IQSEC1: variants seen among roughly 807,000 people sequenced by gnomAD.
The protein encoded by IQSEC1 is IQ motif and SEC7 domain-containing protein 1.
A neutral mutation model predicts 91.0 loss-of-function variants in IQSEC1; 31 were observed. The ratio of observed to expected loss-of-function variants is 0.34; its 90% CI spans 0.26 to 0.46. The LOEUF is 0.46. IQSEC1 is among the 20% of genes least tolerant of loss of function. The pLI is 1.00. For synonymous variants in IQSEC1, 699 were observed against 662.6 expected, an observed-to-expected ratio of 1.05 and a Z score of -0.84; for missense variants, 1,388 against 1,575.6, an observed-to-expected ratio of 0.88 and a Z score of 2.02.
chr3:13,187,047 C>T (rs886929407), intron 1 of IQSEC1, among the ~76,000 whole-genome samples: 5 of 152,094 alleles, frequency 3.3e-5, no homozygotes, highest in Non-Finnish European at 7.4e-5. Context: ...TCCTCTCCTT[C>T]CTTCCTCCTT....
At position 13,263,453 on chromosome 3, in the gene IQSEC1, CT is replaced by C. The variant is rs1021846864; in HGVS notation, c.272+19257del. ...GGGGGGGGGGGGAAAGTACCTGACA[CT>C]TTTTTTTTTTGAGAGTCATGCTCTG... On this transcript the variant is annotated intron_variant, in intron 1 of 15. Coordinates refer to the IQSEC1 transcript ENST00000648114. Among the ~76,000 whole-genome samples, 164 of 135,360 alleles carry C rather than the reference CT, an allele frequency of 1.2e-3. 2 individuals carry two copies. The highest frequency in any genetic ancestry group is 3.4e-3 in the African/African-American group (126 of 36,806). 88.8% of individuals were successfully genotyped at this position (135,360 alleles called of 152,430 possible). A position where few individuals can be genotyped will look rare whatever the true frequency, so the allele number is the denominator to read the frequency against.
At chr3:13,097,574 C>T (rs1459897913) in intron 2 of IQSEC1, among the ~76,000 whole-genome samples, 3 of 152,218 alleles carry the variant, frequency 2.0e-5, no homozygotes, top group Non-Finnish European at 4.4e-5. Context: ...TCTGCAGCCG[C>T]CAGCCCCCAC....
chr3:13,137,992 G>C (rs1420299703), intron 2 of IQSEC1, among the ~76,000 whole-genome samples: 1 of 152,232 alleles, frequency 6.6e-6, no homozygotes, highest in Non-Finnish European at 1.5e-5. Context: ...CTAACAATGT[G>C]TCACAGTTGG....
chr3:13,030,850 C>T lies in IQSEC1; in HGVS notation c.23+42142G>A, dbSNP rs572456483. 5.3e-5 allele frequency among the ~76,000 whole-genome samples: 8 copies of T among 152,378 alleles called. No individual in the cohort carries two copies. The South Asian group carries it at 1.7e-3, about 32-fold the overall frequency. ...GAGGCGCAAAGCTGTGCCACGCAGGCGTGGGATTCGCCTTACAACTCCGAG... is the reference window on the plus strand; with the variant it reads ...GAGGCGCAAAGCTGTGCCACGCAGGTGTGGGATTCGCCTTACAACTCCGAG... On this transcript the variant is annotated intron_variant, in intron 1 of 13. Transcript: ENST00000613206.
chr3:13,179,822 A>G (rs1363382796), intron 1 of IQSEC1, among the ~76,000 whole-genome samples: 1 of 152,252 alleles, frequency 6.6e-6, no homozygotes, highest in South Asian at 2.1e-4. Context: ...CCGGGTGGGC[A>G]TGGGCTCGGC....
chr3:13,237,214 G>T (rs977902830), intron 1 of IQSEC1, among the ~76,000 whole-genome samples: 2 of 152,238 alleles, frequency 1.3e-5, no homozygotes, highest in African/African-American at 4.8e-5. Context: ...CGTGGCCATG[G>T]AAGAGCCCTT....
intron 1 of IQSEC1, among the ~76,000 whole-genome samples, chr3:13,190,865 C>T (rs2125033128): frequency 6.6e-6 from 1 of 152,290 alleles, no homozygotes; most frequent in Non-Finnish European, 1.5e-5. Context: ...GGGAGGAGGG[C>T]TCTCTCCCTA....
At chr3:13,091,880 G>C (rs1705867243) in intron 2 of IQSEC1, among the ~76,000 whole-genome samples, 1 of 151,634 alleles carries the variant, frequency 6.6e-6, no homozygotes, top group South Asian at 2.1e-4. Context: ...GACTGTTCAG[G>C]CTTCCTCCCA....
chr3:12,978,102 C>T (rs768979664), intron 1 of IQSEC1, among the ~76,000 whole-genome samples: 111 of 152,364 alleles, frequency 7.3e-4, no homozygotes, highest in Non-Finnish European at 1.2e-3. Context: ...GCGTCAACTA[C>T]ATTCCTGCAT....
intron 1 of IQSEC1, among the ~76,000 whole-genome samples, chr3:13,273,277 T>C (rs992834717): frequency 6.6e-5 from 10 of 152,160 alleles, no homozygotes; most frequent in African/African-American, 2.2e-4. Context: ...CCAAGCCATC[T>C]AGAAGTCCTG....
intron 1 of IQSEC1, among the ~76,000 whole-genome samples, chr3:13,234,174 C>T (rs1694881119): frequency 6.6e-6 from 1 of 152,114 alleles, no homozygotes; most frequent in Non-Finnish European, 1.5e-5. Context: ...CTATGTGGGT[C>T]TGTGGGTGTG....
chr3:13,077,738 G>T (rs1353671479), upstream of IQSEC1, among the ~76,000 whole-genome samples: 1 of 152,234 alleles, frequency 6.6e-6, no homozygotes, highest in Non-Finnish European at 1.5e-5. Flanking sequence ...CTCTGGAAAT[G>T]TGTGTGGGCT....
chr3:13,130,729 G>A (rs1046506699), intron 2 of IQSEC1, among the ~76,000 whole-genome samples: 13 of 152,082 alleles, frequency 8.5e-5, no homozygotes, highest in African/African-American at 2.7e-4. Context: ...TTGAGCCCAG[G>A]AGTTTGAAAT....
At chr3:12,930,524 G>A (rs530990187) in intron 3 of IQSEC1, among the ~76,000 whole-genome samples, 2 of 152,316 alleles carry the variant, frequency 1.3e-5, no homozygotes, top group East Asian at 3.9e-4. Context: ...GCCAGAAGGA[G>A]CCGATGAGGG....
chr3:13,158,376 C>A (rs1265939175), intron 2 of IQSEC1, among the ~76,000 whole-genome samples: 1 of 152,220 alleles, frequency 6.6e-6, no homozygotes. Flanking sequence ...TGTGTGTTCT[C>A]ATTTTGGGTT....
At chr3:13,055,392 A>C (rs1172480213) in intron 1 of IQSEC1, among the ~76,000 whole-genome samples, 4 of 152,194 alleles carry the variant, frequency 2.6e-5, no homozygotes, top group African/African-American at 9.6e-5. Flanking sequence ...GTCTCAGGCC[A>C]CTTTGAAATG....
Position 12,920,472 on chromosome 3 carries a change from C to G in IQSEC1, c.1978G>C (p.Glu660Gln). 1 of 1,614,208 alleles carries G rather than the reference C, an allele frequency of 6.2e-7. No homozygotes were observed. The highest frequency in any genetic ancestry group is 8.5e-7 in the Non-Finnish European group (1 of 1,180,030). The change falls in exon 6 of 14, where the codon GAG becomes CAG. Residue 660 changes from glutamate (E) to glutamine (Q), a missense_variant. By Grantham distance (29) the Glu-to-Gln change is conservative (BLOSUM62 2). Transcript: ENST00000613206. ...TDMYSPNVKP[E>Q]RKMKLEDFIK... ...AAGTCCTCTAGCTTCATTTTCCGCT[C>G]GGGCTTGACATTGGGGCTGTACATG... is the stretch of plus-strand genomic sequence containing the variant.
At chr3:13,038,114 G>T (rs764054778) in intron 1 of IQSEC1, among the ~76,000 whole-genome samples, 2 of 150,854 alleles carry the variant, frequency 1.3e-5, no homozygotes, top group East Asian at 3.9e-4. Flanking sequence ...TAGCAACGCT[G>T]TAAAAATATG....
At chr3:13,033,404 T>C (rs1703919605) in intron 1 of IQSEC1, among the ~76,000 whole-genome samples, 3 of 152,156 alleles carry the variant, frequency 2.0e-5, no homozygotes, top group Non-Finnish European at 4.4e-5. Flanking sequence ...GGCGCATTTC[T>C]CCTGAGGCCT....
Sources: gnomAD v4.1 joint callset for allele counts (sites outside exome capture counted in the v4.1 genomes callset) on GRCh38, gnomAD v4.1.1 for gene constraint, MANE v1.5 for transcripts, NCBI Gene and HGNC (gene_info 2026-07-23, HGNC 2026-07-21) for gene names.